PARP1: variants seen among roughly 807,000 people sequenced by gnomAD.
PARP1 encodes the protein poly [ADP-ribose] polymerase 1.
A neutral mutation model predicts 118.7 loss-of-function variants in PARP1; 44 were observed. The ratio of observed to expected loss-of-function variants is 0.37; its 90% CI spans 0.29 to 0.48. The LOEUF is 0.48. PARP1 is among the 20% of genes least tolerant of loss of function. The pLI is 0.99. For synonymous variants in PARP1, 492 were observed against 483.2 expected (o/e 1.02, Z -0.24); for missense variants, 1,100 against 1,272.4 (o/e 0.86, Z 2.06).
At chr1:226,392,845 C>A (rs1174923255) in intron 2 of PARP1, 23 of 1,310,340 alleles carry the variant, frequency 1.8e-5, no homozygotes, top group Non-Finnish European at 2.4e-5. Context: ...GGATCACTGG[C>A]TAGCCATTTG....
In PARP1 at chr1:226,370,333, T is replaced by C. The variant is rs184159355; in HGVS notation, c.2154+101A>G. ...TGAAGTGCAGTTCAGTACTTCCAGT[T>C]TCTTAACCTTGAGTAAATGTTACCC... On this transcript the variant is annotated intron_variant, in intron 15 of 22. Coordinates refer to ENST00000366794, the MANE Select transcript of PARP1 (RefSeq NM_001618.4). The C allele has an allele frequency of 4.7e-4, 408 of 877,140 alleles. 3 individuals are homozygous for C. The African/African-American group carries it at 5.4e-3, about 12-fold the overall frequency. The allele number at this position is 877,140 out of a possible 1,614,324, so 54.3% of individuals were successfully genotyped here.
chr1:226,363,790 G>A (rs1664199653), intron 20 of PARP1, among the ~76,000 whole-genome samples, 153 bp downstream of exon 20: 1 of 152,112 alleles, frequency 6.6e-6, no homozygotes, highest in African/African-American at 2.4e-5. Flanking sequence ...AACTTGAATT[G>A]GATTCTGCTA....
At chr1:226,365,932 T>C (rs1664255865) in intron 18 of PARP1, 22 bp downstream of exon 18, 2 of 1,504,908 alleles carry the variant, frequency 1.3e-6, no homozygotes, top group African/African-American at 1.4e-5. Flanking sequence ...CAGAAGGAAG[T>C]GGGGGAAGAA....
At chr1:226,395,124 A>T (rs1008853549) in intron 2 of PARP1, among the ~76,000 whole-genome samples, 2 of 144,112 alleles carry the variant, frequency 1.4e-5, no homozygotes, top group African/African-American at 5.1e-5. Context: ...GCTATTATTT[A>T]AAAAAAAAAA....
chr1:226,379,912 G>T lies in PARP1; in HGVS notation c.1543+10C>A. The T allele has an allele frequency of 6.2e-7, 1 of 1,613,178 alleles. No homozygotes were observed. The highest frequency in any genetic ancestry group is 8.5e-7 in the Non-Finnish European group (1 of 1,179,992). Reference sequence around the variant, plus strand: ...TTTTGGCCCTGGAGGGGGCAGCTTGGGGCCCTCACCTTCCTCCTTGACCTG... The same window carrying T: ...TTTTGGCCCTGGAGGGGGCAGCTTGTGGCCCTCACCTTCCTCCTTGACCTG... On this transcript the variant is annotated intron_variant, in intron 10 of 22. Transcript: ENST00000366794.
chr1:226,392,348 A>C, intron 2 of PARP1, 34 bp from the exon 3 acceptor site: 2 of 1,489,040 alleles, frequency 1.3e-6, no homozygotes, highest in Non-Finnish European at 1.9e-6. Flanking sequence ...TGCTCATCTC[A>C]ACAGCCCCAA....
rs558263786 is a variant in PARP1, at chr1:226,380,467, C to T, written c.1301-303G>A. ...AATCCTGTATTCTATTTCTCTGGTTCCTGAAGACCTACAGTGGTAATCAGC... is the reference window on the plus strand; with the variant it reads ...AATCCTGTATTCTATTTCTCTGGTTTCTGAAGACCTACAGTGGTAATCAGC... On this transcript the variant is annotated intron_variant, in intron 9 of 22. Coordinates refer to ENST00000366794, the MANE Select transcript of PARP1 (RefSeq NM_001618.4). Among the ~76,000 whole-genome samples, 3 of 152,310 alleles carry T rather than the reference C, an allele frequency of 2.0e-5. No homozygotes were observed. In the South Asian group the frequency reaches 6.2e-4, roughly 32 times the overall value.
chr1:226,361,662 C>T (rs1664142260), intron 22 of PARP1, 121 bp from the exon 23 acceptor site: 2 of 780,530 alleles, frequency 2.6e-6, no homozygotes, highest in South Asian at 2.9e-5. Context: ...AAGGCCTCTT[C>T]ATGGGGCTGG....
At chr1:226,406,767 G>A (rs1013056701) in intron 1 of PARP1, among the ~76,000 whole-genome samples, 2 of 152,204 alleles carry the variant, frequency 1.3e-5, no homozygotes, top group African/African-American at 4.8e-5. Context: ...AAGATGACAG[G>A]CATATTGTGA....
chr1:226,376,861 A>C (rs1009562631), intron 13 of PARP1, among the ~76,000 whole-genome samples: 1 of 152,150 alleles, frequency 6.6e-6, no homozygotes. Context: ...TATTCACAGG[A>C]AACTGCTCTG....
In PARP1 at chr1:226,364,517, T is replaced by C. The variant is rs368280572; in HGVS notation, c.2659-447A>G. On this transcript the variant is annotated intron_variant, in intron 19 of 22. Transcript: ENST00000366794. The stretch of plus-strand genomic sequence containing the variant: ...TACTGCACAGCCCCAGAGAGAATCA[T>C]TTAAACTTCTCTCCTCCTCATTCTA... 5 of 305,478 alleles carry C rather than the reference T, an allele frequency of 1.6e-5. No homozygotes were observed. In the East Asian group the frequency reaches 3.3e-4, roughly 20 times the overall value. 18.9% of individuals were successfully genotyped at this position (305,478 alleles called of 1,614,324 possible).
intron 12 of PARP1, 93 bp downstream of exon 12, chr1:226,379,049 C>T (rs2102734595): frequency 6.9e-7 from 1 of 1,459,262 alleles, no homozygotes; most frequent in Admixed American, 1.7e-5. Flanking sequence ...AGGCACTGGG[C>T]CTAACGGGTT....
At chr1:226,402,771 T>C (rs1038141691) in intron 1 of PARP1, among the ~76,000 whole-genome samples, 4 of 152,222 alleles carry the variant, frequency 2.6e-5, no homozygotes, top group Non-Finnish European at 5.9e-5. Context: ...AGAGTCACAA[T>C]CCTGCAGCAT....
intron 17 of PARP1, 178 bp downstream of exon 17, chr1:226,367,302 G>A (rs1237172069): frequency 1.3e-6 from 1 of 741,764 alleles, no homozygotes; most frequent in Non-Finnish European, 2.3e-6. Flanking sequence ...AACGCCCAAA[G>A]GTTCTCAAAG....
At position 226,365,015 on chromosome 1, in the gene PARP1, G is replaced by A. The variant is rs11541664; in HGVS notation, c.2645C>T (p.Pro882Leu). Reference protein sequence around the residue: ...ILSQGLRIAPPEAPVTGYMFG... With the variant: ...ILSQGLRIAPLEAPVTGYMFG... Reference sequence around the variant, plus strand: ...CCAGGCACATACCACGGGCGCTTCAGGCGGGGCTATCCGAAGACCCTGGGA... The same window carrying A: ...CCAGGCACATACCACGGGCGCTTCAAGCGGGGCTATCCGAAGACCCTGGGA... The change falls in exon 19 of 23, where the codon CCT (proline) becomes CTT (leucine). Residue 882 changes from proline to leucine, a missense_variant. Around this residue, in one of 2 missense-constraint regions of PARP1, gnomAD observed 152 missense variants for 240.6 expected, o/e 0.63. Transcript: ENST00000366794. 1 of 1,614,012 alleles carries A rather than the reference G, an allele frequency of 6.2e-7. No individual in the cohort carries two copies.
chr1:226,385,644 C>T lies in PARP1; in HGVS notation c.871G>A (p.Ala291Thr), dbSNP rs2102738540. 1 of 1,614,164 alleles carries T rather than the reference C, an allele frequency of 6.2e-7. No homozygotes were observed. Among genetic ancestry groups the T allele is most frequent in the Non-Finnish European group, 8.5e-7 (1 of 1,180,010 alleles). Reference protein sequence around the residue: ...DRVADGMVFGALLPCEECSGQ... With the variant: ...DRVADGMVFGTLLPCEECSGQ... ...GAGCATTCCTCGCAGGGAAGGAGGG[C>T]ACCGAACACCATGCCATCAGCTACT... Residue 291 changes from alanine to threonine, a missense_variant, in exon 7 of 23, where the codon GCC becomes ACC. By Grantham distance (58) the Ala-to-Thr change is moderately conservative. This residue lies in a region of PARP1 where 948 missense variants were observed against 1,031.8 expected (regional missense o/e 0.92). Transcript: ENST00000366794.
chr1:226,392,877 C>A, intron 2 of PARP1: 1 of 1,536,188 alleles, frequency 6.5e-7, no homozygotes, highest in South Asian at 1.3e-5. Context: ...GGATTCTTCT[C>A]TTATTATAAA....
At chr1:226,393,625 C>T (rs1379943146) in intron 2 of PARP1, among the ~76,000 whole-genome samples, 2 of 152,236 alleles carry the variant, frequency 1.3e-5, no homozygotes, top group East Asian at 3.8e-4. Flanking sequence ...TATACAATTC[C>T]TTTTCTTCCT....
intron 13 of PARP1, 147 bp downstream of exon 13, chr1:226,376,961 G>T (rs1358153819): frequency 2.6e-6 from 2 of 780,790 alleles, no homozygotes; most frequent in Non-Finnish European, 4.4e-6. Flanking sequence ...ATTTTTGGGG[G>T]AGAATTTGTG....
Sources: gnomAD v4.1 joint callset for allele counts (sites outside exome capture counted in the v4.1 genomes callset) on GRCh38, gnomAD v4.1.1 for gene constraint, gnomAD v4.1.1 regional missense constraint, MANE v1.5 for transcripts, NCBI Gene and HGNC (gene_info 2026-07-23, HGNC 2026-07-21) for gene names.